The following NXPH1 variants were observed in gnomAD, a reference collection of about 807,000 sequenced individuals.
NXPH1 encodes neurexophilin-1.
Under a neutral mutation model 23.7 loss-of-function variants are expected in NXPH1, and 5 were observed. The ratio of observed to expected loss-of-function variants is 0.21; its 90% CI spans 0.11 to 0.44. The LOEUF (loss-of-function observed/expected upper bound fraction) is 0.44. Among genes scored for constraint, NXPH1 ranks in the 20% least tolerant of loss-of-function variants. The pLI, the probability that NXPH1 is intolerant of heterozygous loss-of-function variation, is 0.99. For missense variants in NXPH1, 324 were observed against 321.6 expected (o/e 1.01, Z -0.06); for synonymous variants, 144 against 122.2 (o/e 1.18, Z -1.18).
At chr7:8,504,801 C>G (rs1817495174) in intron 2 of NXPH1, among the ~76,000 whole-genome samples, 1 of 152,066 alleles carries the variant, frequency 6.6e-6, no homozygotes, top group Admixed American at 6.6e-5. Context: ...GTTCTCTGCT[C>G]TGCTAAGTGA....
In NXPH1 at chr7:8,577,238, C is replaced by T. The variant is rs541346962; in HGVS notation, c.54+141471C>T. Among the ~76,000 whole-genome samples, 48 of 152,204 alleles carry T rather than the reference C, an allele frequency of 3.2e-4. No homozygotes were observed. In the East Asian group the frequency reaches 7.2e-3, roughly 23 times the overall value. On this transcript the variant is annotated intron_variant, in intron 2 of 2. Coordinates refer to ENST00000405863, the MANE Select transcript of NXPH1 (RefSeq NM_152745.3). ...GCAGTTTCTAATCCTCTTATCGTTTCTTTTAATATAAGTGATAAAGTTTAT... is the reference window on the plus strand; with the variant it reads ...GCAGTTTCTAATCCTCTTATCGTTTTTTTTAATATAAGTGATAAAGTTTAT...
chr7:8,662,715 C>CT (rs1049275340), intron 2 of NXPH1, among the ~76,000 whole-genome samples: 27 of 151,922 alleles, frequency 1.8e-4, no homozygotes, highest in African/African-American at 6.3e-4. Flanking sequence ...GGCTGGCTGA[C>CT]TTCAGGTTCA....
chr7:8,502,651 C>T (rs10225146), intron 2 of NXPH1, among the ~76,000 whole-genome samples: 9,093 of 151,658 alleles, frequency 0.06, 870 homozygotes, highest in African/African-American at 0.2. Flanking sequence ...TAGGAGCACT[C>T]ACTATGCCCA....
At chr7:8,524,355 C>T (rs17150472) in intron 2 of NXPH1, among the ~76,000 whole-genome samples, 36,988 of 151,614 alleles carry the variant, frequency 0.24, 4,601 homozygotes, top group East Asian at 0.3. Context: ...TAAGGCTTGG[C>T]TCTTTTCCCC....
intron 2 of NXPH1, among the ~76,000 whole-genome samples, chr7:8,459,660 C>G (rs1038507341): frequency 6.6e-6 from 1 of 152,044 alleles, no homozygotes; most frequent in African/African-American, 2.4e-5. Context: ...ACTGTGGGTC[C>G]TCAAGACTGA....
At chr7:8,712,187 T>C (rs916894278) in intron 2 of NXPH1, among the ~76,000 whole-genome samples, 2 of 152,214 alleles carry the variant, frequency 1.3e-5, no homozygotes, top group East Asian at 1.9e-4. Context: ...AACACAAGTA[T>C]GTGCCCCTAA....
chr7:8,570,580 T>A (rs903759968), intron 2 of NXPH1, among the ~76,000 whole-genome samples: 4 of 151,052 alleles, frequency 2.6e-5, no homozygotes, highest in Admixed American at 6.6e-5. Flanking sequence ...GTGTTGGGGG[T>A]TTTTACTGAG....
rs1300622752 is a variant in NXPH1, at chr7:8,538,034, A to T, written c.54+102267A>T. 1.2e-4 allele frequency among the ~76,000 whole-genome samples: 18 copies of T among 151,924 alleles called. 1 individual carries two copies. Among genetic ancestry groups the T allele is most frequent in the Admixed American group, 1.2e-3 (18 of 15,228 alleles). ...AATAGCAATAGTTACAGCAATGATG[A>T]TTGCTTCTCATCCTTTGGCTAAGAT... On this transcript the variant is annotated intron_variant, in intron 2 of 2. Transcript: ENST00000405863.
chr7:8,513,242 A>G (rs193119976), intron 2 of NXPH1, among the ~76,000 whole-genome samples: 46 of 152,048 alleles, frequency 3.0e-4, no homozygotes, highest in African/African-American at 1.0e-3. Flanking sequence ...GTCCAGGTGC[A>G]GGAAACAGAA....
At chr7:8,542,774 T>C (rs557420049) in intron 2 of NXPH1, among the ~76,000 whole-genome samples, 8 of 151,652 alleles carry the variant, frequency 5.3e-5, no homozygotes, top group African/African-American at 1.7e-4. Context: ...GGAAAAATTA[T>C]TATGTTAGAT....
chr7:8,532,546 G>C (rs112304192), intron 2 of NXPH1, among the ~76,000 whole-genome samples: 1 of 151,622 alleles, frequency 6.6e-6, no homozygotes, highest in African/African-American at 2.4e-5. Flanking sequence ...CGGTTTTGAA[G>C]TTACTCCTTT....
chr7:8,536,773 G>T (rs1056694406), intron 2 of NXPH1, among the ~76,000 whole-genome samples: 5 of 151,940 alleles, frequency 3.3e-5, no homozygotes, highest in African/African-American at 1.2e-4. Flanking sequence ...TTGTGGAAAT[G>T]GAGGAGAGAA....
intron 2 of NXPH1, among the ~76,000 whole-genome samples, chr7:8,655,263 T>C (rs1307048250): frequency 1.3e-5 from 2 of 152,076 alleles, no homozygotes; most frequent in African/African-American, 4.8e-5. Flanking sequence ...CATGTGTCCA[T>C]AGTCTTAGCT....
At chr7:8,600,470 G>T (rs763748437) in intron 2 of NXPH1, among the ~76,000 whole-genome samples, 2 of 152,116 alleles carry the variant, frequency 1.3e-5, no homozygotes, top group Non-Finnish European at 2.9e-5. Flanking sequence ...TCTACTTGAC[G>T]TACCTCTGTG....
At chr7:8,581,300 A>G (rs967417597) in intron 2 of NXPH1, among the ~76,000 whole-genome samples, 1 of 152,198 alleles carries the variant, frequency 6.6e-6, no homozygotes, top group Non-Finnish European at 1.5e-5. Context: ...TGGGTAATTT[A>G]TAAAGAAAAG....
chr7:8,630,125 G>A lies in NXPH1; in HGVS notation c.55-120883G>A, dbSNP rs17152946. 5.8e-3 allele frequency among the ~76,000 whole-genome samples: 885 copies of A among 152,148 alleles called. 7 individuals are homozygous for A. The highest frequency in any genetic ancestry group is 0.02 in the African/African-American group (838 of 41,520). On this transcript the variant is annotated intron_variant, in intron 2 of 2. Coordinates refer to ENST00000405863, the MANE Select transcript of NXPH1 (RefSeq NM_152745.3). ...AAGGCATACTGATGGTTGTTCAGACGCATCACGTTGACATAATACTATGAT... is the reference window on the plus strand; with the variant it reads ...AAGGCATACTGATGGTTGTTCAGACACATCACGTTGACATAATACTATGAT...
chr7:8,698,913 T>C (rs918240193), intron 2 of NXPH1, among the ~76,000 whole-genome samples: 3 of 152,288 alleles, frequency 2.0e-5, no homozygotes, highest in African/African-American at 7.2e-5. Context: ...TACCATTATA[T>C]CAGGGTAAAA....
chr7:8,547,228 A>T (rs933875288), intron 2 of NXPH1, among the ~76,000 whole-genome samples: 4 of 151,406 alleles, frequency 2.6e-5, no homozygotes, highest in Non-Finnish European at 5.9e-5. Context: ...GGGAGGGGGA[A>T]ATTGGAGGAG....
At chr7:8,640,402 C>T (rs1449069894) in intron 2 of NXPH1, among the ~76,000 whole-genome samples, 1 of 151,010 alleles carries the variant, frequency 6.6e-6, no homozygotes, top group Non-Finnish European at 1.5e-5. Context: ...TTTTTTTCAC[C>T]ACTGATTTGA....
Sources: allele counts gnomAD v4.1 joint callset (sites outside exome capture counted in the v4.1 genomes callset), GRCh38; gene constraint gnomAD v4.1.1; transcripts MANE v1.5; gene names NCBI Gene and HGNC (gene_info 2026-07-23, HGNC 2026-07-21).